The following SLC22A3 variants were observed in gnomAD, a reference collection of about 807,000 sequenced individuals.
SLC22A3 encodes the protein EMT organic cation transporter 3.
In SLC22A3, 51 loss-of-function variants were observed where a neutral mutation model predicts 59.1. The ratio of observed to expected loss-of-function variants is 0.86; its 90% CI spans 0.69 to 1.09. SLC22A3 has a LOEUF of 1.09. Among genes scored for constraint, SLC22A3 ranks in the 50% least tolerant of loss-of-function variants. The pLI is 0.00. For missense variants in SLC22A3, 711 were observed against 726.3 expected (o/e 0.98, Z 0.24); for synonymous variants, 325 against 292.0 (o/e 1.11, Z -1.15).
At chr6:160,351,801 T>C (rs1784670563) in intron 1 of SLC22A3, among the ~76,000 whole-genome samples, 1 of 152,174 alleles carries the variant, frequency 6.6e-6, no homozygotes, top group Admixed American at 6.5e-5. Flanking sequence ...GGTATCATTG[T>C]CCTGGCTTCA....
chr6:160,350,979 C>T (rs1784640029), intron 1 of SLC22A3, among the ~76,000 whole-genome samples: 1 of 152,156 alleles, frequency 6.6e-6, no homozygotes, highest in Non-Finnish European at 1.5e-5. Context: ...CCATCAGGGT[C>T]ACCACCTGGT....
chr6:160,433,515 T>TCTACTACTACTACTACTA (rs3066966), intron 5 of SLC22A3, among the ~76,000 whole-genome samples: 139 of 146,936 alleles, frequency 9.5e-4, no homozygotes, highest in Middle Eastern at 3.6e-3. Flanking sequence ...AGACCCTGTC[T>TCTACTACTACTACTACTA]CTACTACTAC....
intron 7 of SLC22A3, among the ~76,000 whole-genome samples, chr6:160,439,015 G>C (rs1000074634): frequency 6.6e-6 from 1 of 152,024 alleles, no homozygotes; most frequent in Non-Finnish European, 1.5e-5. Context: ...TGAGGTTCCA[G>C]GTAGACATGA....
rs1218980599 is a variant in SLC22A3 at position 160,348,483 on chromosome 6, T to G, written c.64T>G (p.Phe22Val). Residue 22 changes from phenylalanine (F) to valine (V), a missense_variant, in exon 1 of 11, where the codon TTT becomes GTT. Phe to Val is a conservative substitution (Grantham distance 50). Coordinates refer to ENST00000275300, the MANE Select transcript of SLC22A3 (RefSeq NM_021977.4). The stretch of plus-strand genomic sequence containing the variant: ...GTTCGGGCGCTTCCAGAGGCGCGTG[T>G]TTTTGCTGCTGTGCCTGACGGGCGT... Reference protein sequence around the residue: ...GEFGRFQRRVFLLLCLTGVTF... With the variant: ...GEFGRFQRRVVLLLCLTGVTF... 1.9e-6 allele frequency: 3 copies of G among 1,550,994 alleles called. No individual in the cohort carries two copies. Among genetic ancestry groups the G allele is most frequent in the Non-Finnish European group, 2.6e-6 (3 of 1,154,322 alleles).
intron 8 of SLC22A3, 144 bp downstream of exon 8, chr6:160,443,013 C>A: frequency 1.4e-6 from 1 of 706,758 alleles, no homozygotes; most frequent in Non-Finnish European, 2.5e-6. Flanking sequence ...AGAAGATATG[C>A]TTTGAGTTAT....
chr6:160,388,168 A>G (rs1410571835), intron 1 of SLC22A3, among the ~76,000 whole-genome samples: 3 of 152,182 alleles, frequency 2.0e-5, no homozygotes, highest in Non-Finnish European at 4.4e-5. Context: ...CTAAGCCACT[A>G]AGTTGGTGGT....
At chr6:160,428,184 G>A (rs888233190) in intron 5 of SLC22A3, among the ~76,000 whole-genome samples, 1 of 146,956 alleles carries the variant, frequency 6.8e-6, no homozygotes, top group African/African-American at 2.5e-5. Flanking sequence ...GCTGCAATCC[G>A]TTCACCTTTG....
intron 5 of SLC22A3, among the ~76,000 whole-genome samples, chr6:160,422,918 G>C (rs1037967295): frequency 1.5e-4 from 23 of 152,086 alleles, no homozygotes; most frequent in African/African-American, 5.3e-4. Context: ...TGCCATGTTG[G>C]TGTGGTGCAC....
intron 1 of SLC22A3, among the ~76,000 whole-genome samples, chr6:160,391,276 G>A (rs1786246679): frequency 6.6e-6 from 1 of 152,094 alleles, no homozygotes; most frequent in Non-Finnish European, 1.5e-5. Context: ...TATATCAACT[G>A]CATATTAGAC....
At chr6:160,396,692 C>T (rs1481124509) in intron 1 of SLC22A3, among the ~76,000 whole-genome samples, 7 of 152,104 alleles carry the variant, frequency 4.6e-5, no homozygotes, top group Admixed American at 4.6e-4. Context: ...TGGAGACATA[C>T]ATTTCCAACA....
At chr6:160,404,340 A>G (rs958785624) in intron 2 of SLC22A3, among the ~76,000 whole-genome samples, 3 of 152,140 alleles carry the variant, frequency 2.0e-5, no homozygotes, top group Admixed American at 6.6e-5. Context: ...TGCCATTTAC[A>G]TTAGCACCAC....
chr6:160,394,713 G>A (rs537322577), intron 1 of SLC22A3, among the ~76,000 whole-genome samples: 1 of 152,358 alleles, frequency 6.6e-6, no homozygotes, highest in Admixed American at 6.5e-5. Flanking sequence ...GTTAGGATTT[G>A]AGCTGTTTTG....
chr6:160,430,986 G>C (rs1043329689), intron 5 of SLC22A3, among the ~76,000 whole-genome samples: 25 of 152,290 alleles, frequency 1.6e-4, no homozygotes, highest in African/African-American at 5.8e-4. Flanking sequence ...GGGGATCATG[G>C]AAAGGGTCCG....
chr6:160,380,777 G>C (rs1347646308), intron 1 of SLC22A3, among the ~76,000 whole-genome samples: 1 of 152,156 alleles, frequency 6.6e-6, no homozygotes, highest in African/African-American at 2.4e-5. Context: ...GTAAATCATA[G>C]TTTCTGAACC....
At position 160,447,751 on chromosome 6, in the gene SLC22A3, A is replaced by G. The variant is rs1326634887; in HGVS notation, c.1543A>G (p.Met515Val). 1 of 1,614,050 alleles carries G rather than the reference A, an allele frequency of 6.2e-7. No homozygotes were observed. The highest frequency in any genetic ancestry group is 8.5e-7 in the Non-Finnish European group (1 of 1,179,976). Residue 515 changes from methionine (M) to valine (V), a missense_variant, in exon 10 of 11, where the codon ATG (methionine) becomes GTG (valine). Met to Val is a conservative substitution (Grantham distance 21). Transcript: ENST00000275300. Reference sequence around the variant, plus strand: ...GGCATCCATCTGTGGTGGCCTTGTGATGCTTTTGCCTGAAACCAAGGGTAT... The same window carrying G: ...GGCATCCATCTGTGGTGGCCTTGTGGTGCTTTTGCCTGAAACCAAGGGTAT... ...ILASICGGLV[M>V]LLPETKGIAL...
intron 1 of SLC22A3, among the ~76,000 whole-genome samples, chr6:160,364,595 CA>C (rs1235358212): frequency 6.6e-6 from 1 of 152,192 alleles, no homozygotes; most frequent in African/African-American, 2.4e-5. Context: ...GGGAGGCTAT[CA>C]AAACCTATTG....
intron 1 of SLC22A3, among the ~76,000 whole-genome samples, chr6:160,358,968 G>A (rs549512185): frequency 6.6e-6 from 1 of 152,282 alleles, no homozygotes; most frequent in East Asian, 1.9e-4. Flanking sequence ...GAACTCCATC[G>A]CATGTTTTCT....
intron 5 of SLC22A3, among the ~76,000 whole-genome samples, chr6:160,427,317 G>A (rs576764516): frequency 1.3e-5 from 2 of 152,350 alleles, no homozygotes; most frequent in South Asian, 4.1e-4. Context: ...TGAGAATGTA[G>A]TCGGGACTTG....
chr6:160,451,423 C>A lies in SLC22A3; in HGVS notation c.*367C>A. The stretch of plus-strand genomic sequence containing the variant: ...AGCTCCATCAAGAATGTGGGATGTG[C>A]CGACCAAGGATTTGAGAAAGTTGTA... On this transcript the variant is annotated 3_prime_UTR_variant, in exon 11 of 11. Coordinates refer to ENST00000275300, the MANE Select transcript of SLC22A3 (RefSeq NM_021977.4). 4.5e-6 allele frequency: 1 copy of A among 220,384 alleles called. No individual in the cohort carries two copies. Among genetic ancestry groups the A allele is most frequent in the Non-Finnish European group, 9.1e-6 (1 of 109,590 alleles). The allele number at this position is 220,384 out of a possible 1,614,324, so 13.7% of individuals were successfully genotyped here.
Sources: allele counts gnomAD v4.1 joint callset (sites outside exome capture counted in the v4.1 genomes callset), GRCh38; gene constraint gnomAD v4.1.1; transcripts MANE v1.5; gene names NCBI Gene and HGNC (gene_info 2026-07-23, HGNC 2026-07-21).